LHFPL3: variants seen among roughly 807,000 people sequenced by gnomAD.
The protein encoded by LHFPL3 is LHFPL tetraspan subfamily member 3 protein.
LHFPL3 carries 5 observed loss-of-function variants against 19.3 expected under a neutral mutation model. That is an observed-to-expected ratio of 0.26 (90% CI 0.14 to 0.54). The LOEUF (loss-of-function observed/expected upper bound fraction) is 0.54, where lower values mean the gene tolerates loss of function less well. Ranked by LOEUF, LHFPL3 falls within the 20% of genes least tolerant of loss-of-function variation. The pLI is 0.94. For missense variants in LHFPL3, 249 were observed against 307.4 expected, an observed-to-expected ratio of 0.81 and a Z score of 1.42; for synonymous variants, 133 against 126.2, an observed-to-expected ratio of 1.05 and a Z score of -0.36.
intron 2 of LHFPL3, among the ~76,000 whole-genome samples, chr7:104,780,768 T>G (rs1794704695): frequency 6.6e-6 from 1 of 152,168 alleles, no homozygotes; most frequent in African/African-American, 2.4e-5. Flanking sequence ...TCTCAGTTCT[T>G]TGATTTTCTC....
intron 2 of LHFPL3, among the ~76,000 whole-genome samples, chr7:104,746,238 T>C (rs1257085365): frequency 6.6e-6 from 1 of 151,954 alleles, no homozygotes; most frequent in African/African-American, 2.4e-5. Flanking sequence ...CTTAAACCCA[T>C]AAGGTGGAGG....
chr7:104,470,753 T>G (rs1054499537), intron 1 of LHFPL3, among the ~76,000 whole-genome samples: 8 of 152,190 alleles, frequency 5.3e-5, no homozygotes, highest in African/African-American at 1.9e-4. Flanking sequence ...TTAACTAGCC[T>G]GAAGCTCCAA....
intron 2 of LHFPL3, among the ~76,000 whole-genome samples, chr7:104,897,370 G>A (rs1204243810): frequency 1.3e-5 from 2 of 152,094 alleles, no homozygotes; most frequent in African/African-American, 2.4e-5. Flanking sequence ...GCTTCCCTTT[G>A]GTCTAGAGAG....
In LHFPL3 at chr7:104,790,006, G is replaced by A. The variant is rs80212447; in HGVS notation, c.682+53095G>A. Among the ~76,000 whole-genome samples, 162 of 152,212 alleles carry A rather than the reference G, an allele frequency of 1.1e-3. No homozygotes were observed. The East Asian group carries it at 0.02, about 19-fold the overall frequency. ...CAAGCAAATCTGTCTCTGGGTTTCC[G>A]AATTTCCTGATTTATCCTGCTAGGT... On this transcript the variant is annotated intron_variant, in intron 2 of 2. Transcript: ENST00000424859.
intron 1 of LHFPL3, among the ~76,000 whole-genome samples, chr7:104,730,242 T>C (rs1211924606): frequency 6.6e-6 from 1 of 152,198 alleles, no homozygotes. Context: ...TGATTTATAT[T>C]CCTTTGGGTA....
At chr7:104,439,775 A>G (rs1463369510) in intron 1 of LHFPL3, among the ~76,000 whole-genome samples, 1 of 152,182 alleles carries the variant, frequency 6.6e-6, no homozygotes, top group Non-Finnish European at 1.5e-5. Flanking sequence ...TTCTCCTCAG[A>G]TTAGGAACAA....
At chr7:104,736,209 G>T (rs995714670) in intron 1 of LHFPL3, among the ~76,000 whole-genome samples, 2 of 152,122 alleles carry the variant, frequency 1.3e-5, no homozygotes, top group Admixed American at 6.6e-5. Flanking sequence ...ATTTTTCATA[G>T]TGATTCAAAG....
At chr7:104,620,715 C>G (rs1465932958) in intron 1 of LHFPL3, among the ~76,000 whole-genome samples, 3 of 152,184 alleles carry the variant, frequency 2.0e-5, no homozygotes, top group Non-Finnish European at 4.4e-5. Context: ...AACTCTCTAA[C>G]TCATTACTGA....
chr7:104,352,547 T>G (rs1054895366), intron 1 of LHFPL3, among the ~76,000 whole-genome samples: 1 of 152,168 alleles, frequency 6.6e-6, no homozygotes, highest in Non-Finnish European at 1.5e-5. Context: ...TACCAGCTCA[T>G]GTACAATGCA....
chr7:104,731,583 G>A (rs1793706134), intron 1 of LHFPL3, among the ~76,000 whole-genome samples: 1 of 151,890 alleles, frequency 6.6e-6, no homozygotes, highest in African/African-American at 2.4e-5. Context: ...TGTATCCTGA[G>A]ACTTTGCTGA....
chr7:104,842,400 C>G (rs1224513507), intron 2 of LHFPL3, among the ~76,000 whole-genome samples: 1 of 152,064 alleles, frequency 6.6e-6, no homozygotes, highest in African/African-American at 2.4e-5. Flanking sequence ...GGGGACTGGG[C>G]CCTGGAGCCC....
intron 1 of LHFPL3, among the ~76,000 whole-genome samples, chr7:104,693,331 C>T (rs947765888): frequency 7.2e-5 from 11 of 152,084 alleles, no homozygotes; most frequent in Non-Finnish European, 1.5e-4. Context: ...CTTTAGGGGA[C>T]TGTTGGGAAG....
chr7:104,882,985 C>T (rs939813201), intron 2 of LHFPL3, among the ~76,000 whole-genome samples: 1 of 152,142 alleles, frequency 6.6e-6, no homozygotes, highest in African/African-American at 2.4e-5. Flanking sequence ...CTGAGCAAAC[C>T]ACGCAATGTT....
At chr7:104,542,418 T>G (rs767540518) in intron 1 of LHFPL3, among the ~76,000 whole-genome samples, 19 of 152,198 alleles carry the variant, frequency 1.2e-4, no homozygotes, top group Non-Finnish European at 2.2e-4. Flanking sequence ...TTCTCTCATC[T>G]TCTGATGAAT....
At chr7:104,863,567 T>C (rs1791656828) in intron 2 of LHFPL3, among the ~76,000 whole-genome samples, 3 of 152,314 alleles carry the variant, frequency 2.0e-5, no homozygotes, top group African/African-American at 4.8e-5. Flanking sequence ...GAAAAGGTAA[T>C]TGACATTTTC....
At chr7:104,461,298 CA>C (rs1212545123) in intron 1 of LHFPL3, among the ~76,000 whole-genome samples, 1 of 152,172 alleles carries the variant, frequency 6.6e-6, no homozygotes, top group African/African-American at 2.4e-5. Context: ...ACCCTTGAGA[CA>C]TGGGGATTAT....
intron 1 of LHFPL3, among the ~76,000 whole-genome samples, chr7:104,346,925 C>T (rs1264487102): frequency 6.8e-6 from 1 of 147,160 alleles, no homozygotes; most frequent in Non-Finnish European, 1.5e-5. Flanking sequence ...TTATACCATA[C>T]TAGATAAGTG....
At chr7:104,720,420 C>T (rs551032941) in intron 1 of LHFPL3, among the ~76,000 whole-genome samples, 87 of 152,088 alleles carry the variant, frequency 5.7e-4, no homozygotes, top group Non-Finnish European at 9.9e-4. Context: ...ACATGTTAGA[C>T]CTAAAACCAT....
chr7:104,350,758 G>A (rs1790157937), intron 1 of LHFPL3, among the ~76,000 whole-genome samples: 1 of 152,156 alleles, frequency 6.6e-6, no homozygotes, highest in Non-Finnish European at 1.5e-5. Context: ...AGGTCTCTTT[G>A]GCCGAGCACA....
Sources: allele counts gnomAD v4.1 joint callset (sites outside exome capture counted in the v4.1 genomes callset), GRCh38; gene constraint gnomAD v4.1.1; transcripts MANE v1.5; gene names NCBI Gene and HGNC (gene_info 2026-07-23, HGNC 2026-07-21).